The following MUC4 variants were observed in gnomAD, a reference collection of about 807,000 sequenced individuals.
MUC4 encodes mucin 4, cell surface associated, also known as mucin-4.
In MUC4, 202 loss-of-function variants were observed where a neutral mutation model predicts 257.9. The ratio of observed to expected loss-of-function variants is 0.78; its 90% CI spans 0.70 to 0.88. MUC4 has a LOEUF of 0.88. Ranked by LOEUF, MUC4 falls within the 40% of genes least tolerant of loss-of-function variation. The probability of loss-of-function intolerance (pLI) is 0.00; values close to 1 mark genes in which losing one functional copy is unlikely to be tolerated. For missense variants in MUC4, 5,976 were observed against 6,513.7 expected, an observed-to-expected ratio of 0.92 and a Z score of 2.84; for synonymous variants, 2,351 against 2,757.1, an observed-to-expected ratio of 0.85 and a Z score of 4.62.
intron 4 of MUC4, among the ~76,000 whole-genome samples, chr3:195,773,863 G>A (rs1039470324): frequency 1.3e-5 from 2 of 152,238 alleles, no homozygotes; most frequent in African/African-American, 2.4e-5. Context: ...TGCTCCAGGA[G>A]GCAGGGACCA....
intron 1 of MUC4, 44 bp downstream of exon 1, chr3:195,811,692 A>G (rs1736770611): frequency 6.3e-7 from 1 of 1,587,928 alleles, no homozygotes; most frequent in South Asian, 1.1e-5. Flanking sequence ...ACCTCCCCCA[A>G]GTGCTCCCCG....
chr3:195,766,495 G>A lies in MUC4; in HGVS notation c.13618+168C>T, dbSNP rs115961768. Reference sequence around the variant, plus strand: ...GCAGGAGGTGCCAGCTGCTCCCTGGGTGGTGCCACATCCCACCTAGACCTG... The same window carrying A: ...GCAGGAGGTGCCAGCTGCTCCCTGGATGGTGCCACATCCCACCTAGACCTG... On this transcript the variant is annotated intron_variant, in intron 8 of 24. Transcript: ENST00000463781. 9.0e-3 allele frequency among the ~76,000 whole-genome samples: 1,375 copies of A among 152,258 alleles called. 28 individuals carry two copies. The highest frequency in any genetic ancestry group is 0.032 in the African/African-American group (1,324 of 41,536).
intron 1 of MUC4, among the ~76,000 whole-genome samples, chr3:195,801,420 C>T (rs1735291535): frequency 6.6e-6 from 1 of 151,682 alleles, no homozygotes; most frequent in Non-Finnish European, 1.5e-5. Context: ...TGCCCAGAGC[C>T]TTCTCCGCAC....
rs568356920 is a variant in MUC4, at chr3:195,767,663, C to T, written c.13530-912G>A. Among the ~76,000 whole-genome samples, 90 of 62,498 alleles carry T rather than the reference C, an allele frequency of 1.4e-3. 3 individuals carry two copies. Among genetic ancestry groups the T allele is most frequent in the Non-Finnish European group, 2.0e-3 (73 of 37,318 alleles). The allele number at this position is 62,498 out of a possible 152,430, so 41.0% of individuals were successfully genotyped here. On this transcript the variant is annotated intron_variant, in intron 7 of 24. Transcript: ENST00000463781. Reference sequence around the variant, plus strand: ...ACCATCGCCACCACCACCACCACCACCATCACCATCACCACCATCACTGGC... The same window carrying T: ...ACCATCGCCACCACCACCACCACCATCATCACCATCACCACCATCACTGGC...
intron 7 of MUC4, 49 bp downstream of exon 7, chr3:195,768,973 A>C: frequency 6.3e-7 from 1 of 1,586,750 alleles, no homozygotes; most frequent in African/African-American, 1.3e-5. Flanking sequence ...AGCCGACTCT[A>C]CACCCCTCCC....
Position 195,783,573 on chromosome 3 carries a change from G to A in MUC4, c.8007C>T (p.Asp2669=), listed in dbSNP as rs1243194594. 4 of 318,972 alleles carry A rather than the reference G, an allele frequency of 1.3e-5. No homozygotes were observed. Among genetic ancestry groups the A allele is most frequent in the East Asian group, 3.8e-5 (1 of 26,270 alleles). The allele number at this position is 318,972 out of a possible 1,614,324, so 19.8% of individuals were successfully genotyped here. A position where few individuals can be genotyped will look rare whatever the true frequency, so the allele number is the denominator to read the frequency against. ...VTSLSSVSTG[D]TTPLPVTSPS... is the part of the protein sequence containing the mutation. ...GGCTAGTGACAGGAAGAGGCGTGGT[G>A]TCACCTGTGGATACTGAGGAAAGGC... Residue 2669 remains aspartate (D), a synonymous_variant, in exon 2 of 25, where the codon GAC becomes GAT. Transcript: ENST00000463781.
intron 10 of MUC4, among the ~76,000 whole-genome samples, 193 bp downstream of exon 10, chr3:195,764,804 G>A (rs1232379973): frequency 6.6e-6 from 1 of 152,144 alleles, no homozygotes; most frequent in Non-Finnish European, 1.5e-5. Context: ...ATAGAGATGA[G>A]GAAAGAGGCT....
At chr3:195,794,853 G>C (rs576492078) in intron 1 of MUC4, among the ~76,000 whole-genome samples, 4 of 152,186 alleles carry the variant, frequency 2.6e-5, no homozygotes, top group Admixed American at 6.5e-5. Flanking sequence ...TGTTAAAAAA[G>C]TGACTCACGT....
chr3:195,791,011 T>C lies in MUC4; in HGVS notation c.569A>G (p.Asp190Gly). 8.1e-6 allele frequency: 13 copies of C among 1,613,954 alleles called. No individual in the cohort carries two copies. The highest frequency in any genetic ancestry group is 2.7e-5 in the African/African-American group (2 of 75,010). ...GTGGTTCTGAGAAGAAGCTGATGTGTCTTGGATAGAGGTCCTCCAGGAAGT... is the reference window on the plus strand; with the variant it reads ...GTGGTTCTGAGAAGAAGCTGATGTGCCTTGGATAGAGGTCCTCCAGGAAGT... ...RTTSWRTSIQ[D>G]TSASSQNHWT... Residue 190 changes from aspartate to glycine, a missense_variant, in exon 2 of 25, where the codon GAC becomes GGC. Coordinates refer to ENST00000463781, the MANE Select transcript of MUC4 (RefSeq NM_018406.7).
intron 1 of MUC4, among the ~76,000 whole-genome samples, chr3:195,794,710 A>G (rs1343097803): frequency 6.6e-6 from 1 of 152,180 alleles, no homozygotes; most frequent in Non-Finnish European, 1.5e-5. Flanking sequence ...TGATACTCAG[A>G]GAGACAAAGT....
chr3:195,762,068 A>G lies in MUC4; in HGVS notation c.14512+19T>C, dbSNP rs1449868293. ...GCTGGCTCCGCGGAGCCTCAGAGGC[A>G]GGTCCGAGCCGCCCTCACCCAGGAG... On this transcript the variant is annotated intron_variant, in intron 14 of 24. Transcript: ENST00000463781. 2.5e-6 allele frequency: 4 copies of G among 1,572,360 alleles called. No homozygotes were observed. The highest frequency in any genetic ancestry group is 2.6e-6 in the Non-Finnish European group (3 of 1,164,840).
chr3:195,760,406 G>A (rs1229742650), intron 16 of MUC4, among the ~76,000 whole-genome samples: 3 of 151,948 alleles, frequency 2.0e-5, no homozygotes, highest in Admixed American at 6.6e-5. Flanking sequence ...GGAGCTGAGC[G>A]CACCTAGCGT....
Position 195,778,302 on chromosome 3 carries a change from CCT to C in MUC4, c.12942_12943del (p.Gly4315SerfsTer41). 3 of 1,607,954 alleles carry C rather than the reference CCT, an allele frequency of 1.9e-6. No homozygotes were observed. The highest frequency in any genetic ancestry group is 1.7e-6 in the Non-Finnish European group (2 of 1,177,894). ...CACAGGCCTCACCTGTATGGCCTCA[CCT>C]CTCTCAGGCAGGATGGGGATGGGGG... On this transcript the variant is annotated frameshift_variant and splice_region_variant, in exon 3 of 25. Coordinates refer to ENST00000463781, the MANE Select transcript of MUC4 (RefSeq NM_018406.7). LOFTEE classifies it high-confidence loss of function.
Position 195,785,507 on chromosome 3 carries a change from C to G in MUC4, c.6073G>C (p.Ala2025Pro), listed in dbSNP as rs760773966. The change falls in exon 2 of 25, where the codon GCA becomes CCA. Residue 2025 changes from alanine (A) to proline (P), a missense_variant. Coordinates refer to ENST00000463781, the MANE Select transcript of MUC4 (RefSeq NM_018406.7). The stretch of plus-strand genomic sequence containing the variant: ...AGCGGCGTGGTGTCACCAGTGGATG[C>G]TGAGGAAAGGCTGGTGACAGGAAGA... ...TPLPVTSLSS[A>P]STGDTTPLPV... 5 of 1,512,372 alleles carry G rather than the reference C, an allele frequency of 3.3e-6. 1 individual carries two copies. The highest frequency in any genetic ancestry group is 2.5e-5 in the East Asian group (1 of 40,072). The allele number at this position is 1,512,372 out of a possible 1,614,324, so 93.7% of individuals were successfully genotyped here. A position where few individuals can be genotyped will look rare whatever the true frequency, so the allele number is the denominator to read the frequency against.
intron 7 of MUC4, among the ~76,000 whole-genome samples, 168 bp from the exon 8 acceptor site, chr3:195,766,919 G>A (rs1433734824): frequency 6.6e-6 from 1 of 152,220 alleles, no homozygotes; most frequent in East Asian, 1.9e-4. Flanking sequence ...GCACTGAGCA[G>A]GAGAGGGGAC....
intron 1 of MUC4, among the ~76,000 whole-genome samples, chr3:195,799,392 C>T (rs1434986405): frequency 6.6e-6 from 1 of 152,208 alleles, no homozygotes; most frequent in Admixed American, 6.5e-5. Context: ...CCACTGCAAC[C>T]TCCACCTCCG....
intron 1 of MUC4, among the ~76,000 whole-genome samples, chr3:195,795,071 T>C (rs1456784491): frequency 6.6e-6 from 1 of 152,234 alleles, no homozygotes; most frequent in Non-Finnish European, 1.5e-5. Flanking sequence ...CTAAACTCGA[T>C]GCCTGCTTTC....
At position 195,765,088 on chromosome 3, in the gene MUC4, G is replaced by T; in HGVS notation, c.13833C>A (p.Ser4611Arg). ...RWGLGSRQLC[S>R]FTSWRGGVCC... ...ACACGCCTCCTCGCCAAGAGGTGAA[G>T]CTGCACAGCTGCCTACTGCCGAGGC... is the stretch of plus-strand genomic sequence containing the variant. Residue 4611 changes from serine (S) to arginine (R), a missense_variant, in exon 10 of 25, where the codon AGC (serine) becomes AGA (arginine). Ser to Arg is a moderately radical substitution (Grantham distance 110). Around this residue, in one of 44 missense-constraint regions of MUC4, gnomAD observed 996 missense variants for 1,137.3 expected, o/e 0.88. Coordinates refer to ENST00000463781, the MANE Select transcript of MUC4 (RefSeq NM_018406.7). The T allele has an allele frequency of 6.2e-7, 1 of 1,613,742 alleles. No homozygotes were observed. Among genetic ancestry groups the T allele is most frequent in the Non-Finnish European group, 8.5e-7 (1 of 1,179,860 alleles).
intron 13 of MUC4, 74 bp from the exon 14 acceptor site, chr3:195,762,328 G>A: frequency 4.1e-6 from 6 of 1,449,488 alleles, no homozygotes; most frequent in African/African-American, 1.4e-5. Flanking sequence ...GCCCTGCCGG[G>A]CCCGCACCAC....
Sources: gnomAD v4.1 joint callset for allele counts (sites outside exome capture counted in the v4.1 genomes callset) on GRCh38, gnomAD v4.1.1 for gene constraint, gnomAD v4.1.1 regional missense constraint, MANE v1.5 for transcripts, NCBI Gene and HGNC (gene_info 2026-07-23, HGNC 2026-07-21) for gene names.